PTPRD: variants seen among roughly 807,000 people sequenced by gnomAD.
PTPRD encodes the protein protein tyrosine phosphatase receptor type D.
Under a neutral mutation model 214.5 loss-of-function variants are expected in PTPRD, and 34 were observed. That is an observed-to-expected ratio of 0.16 (90% CI 0.12 to 0.21). The LOEUF (loss-of-function observed/expected upper bound fraction) is 0.21. Among genes scored for constraint, PTPRD ranks in the 10% least tolerant of loss-of-function variants. The pLI is 1.00. For missense variants in PTPRD, 2,545 were observed against 2,398.7 expected (o/e 1.06, Z -1.27); for synonymous variants, 1,128 against 845.7 (o/e 1.33, Z -5.79).
intron 4 of PTPRD, among the ~76,000 whole-genome samples, chr9:9,944,779 T>C (rs1396726393): frequency 6.6e-6 from 1 of 151,936 alleles, no homozygotes; most frequent in African/African-American, 2.4e-5. Context: ...ATAATCTAAA[T>C]TTGAGTAAGT....
chr9:9,508,595 C>A (rs1003213905), intron 8 of PTPRD, among the ~76,000 whole-genome samples: 2 of 151,428 alleles, frequency 1.3e-5, no homozygotes, highest in African/African-American at 4.8e-5. Context: ...CCTTGCTTTC[C>A]AACTAAAGCC....
At chr9:8,689,515 A>C (rs984540091) in intron 12 of PTPRD, among the ~76,000 whole-genome samples, 6 of 152,182 alleles carry the variant, frequency 3.9e-5, no homozygotes, top group Non-Finnish European at 2.9e-5. Flanking sequence ...GTGGCGGTAA[A>C]AGAAAATAAG....
intron 5 of PTPRD, among the ~76,000 whole-genome samples, chr9:9,845,057 GCAATA>G (rs2059188269): frequency 2.5e-5 from 1 of 40,482 alleles, no homozygotes; most frequent in Non-Finnish European, 5.5e-5. Context: ...TATATATAGA[GCAATA>G]TATATATATA....
intron 7 of PTPRD, among the ~76,000 whole-genome samples, chr9:9,616,644 C>T (rs1335287760): frequency 6.6e-6 from 1 of 152,022 alleles, no homozygotes; most frequent in Non-Finnish European, 1.5e-5. Flanking sequence ...GGGGCTAAAA[C>T]ACGGCTATAT....
intron 33 of PTPRD, among the ~76,000 whole-genome samples, chr9:8,451,222 C>T (rs1297364954): frequency 6.6e-6 from 1 of 152,158 alleles, no homozygotes; most frequent in African/African-American, 2.4e-5. Context: ...TAATGGAATA[C>T]ATTTTCATGG....
chr9:8,436,872 G>T (rs2095371291), intron 34 of PTPRD, among the ~76,000 whole-genome samples, 183 bp from the exon 35 acceptor site: 1 of 152,166 alleles, frequency 6.6e-6, no homozygotes, highest in East Asian at 1.9e-4. Context: ...CTGGGAAGAT[G>T]AATTTTGTAG....
At chr9:9,244,318 C>T (rs1200940398) in intron 9 of PTPRD, among the ~76,000 whole-genome samples, 5 of 151,938 alleles carry the variant, frequency 3.3e-5, no homozygotes, top group African/African-American at 7.3e-5. Context: ...AAAAAGAGCC[C>T]GCATTGCCAA....
At chr9:10,521,009 T>C (rs2052061377) in intron 2 of PTPRD, among the ~76,000 whole-genome samples, 1 of 151,828 alleles carries the variant, frequency 6.6e-6, no homozygotes, top group East Asian at 1.9e-4. Context: ...AAGGAGTAAA[T>C]TTTTACTTTC....
At chr9:8,688,522 A>G (rs13296640) in intron 12 of PTPRD, among the ~76,000 whole-genome samples, 2 of 150,950 alleles carry the variant, frequency 1.3e-5, no homozygotes, top group South Asian at 2.1e-4. Flanking sequence ...CCGAGATCGC[A>G]CCACTGCGCT....
At chr9:9,618,001 G>T (rs979551186) in intron 7 of PTPRD, among the ~76,000 whole-genome samples, 3 of 146,256 alleles carry the variant, frequency 2.1e-5, no homozygotes, top group Non-Finnish European at 4.5e-5. Context: ...GAACCCGGGA[G>T]GCGGAGCTTG....
chr9:9,649,893 A>T lies in PTPRD; in HGVS notation c.-286-75112T>A, dbSNP rs144304256. On this transcript the variant is annotated intron_variant, in intron 7 of 45. Coordinates refer to ENST00000381196, the MANE Select transcript of PTPRD (RefSeq NM_002839.4). ...TCCTCATTTCTCAGAAAGTGAAATA[A>T]ATATATTTGGAGCAATCAAGTTTTA... Among the ~76,000 whole-genome samples the T allele has an allele frequency of 6.4e-3, 979 of 152,252 alleles. 8 individuals are homozygous for T. Among genetic ancestry groups the T allele is most frequent in the African/African-American group, 0.023 (946 of 41,550 alleles).
At chr9:8,463,261 A>C (rs1278936687) in intron 32 of PTPRD, among the ~76,000 whole-genome samples, 1 of 150,122 alleles carries the variant, frequency 6.7e-6, no homozygotes, top group African/African-American at 2.5e-5. Flanking sequence ...AACGCATTAC[A>C]AGAAGATAAA....
chr9:9,257,688 G>A (rs2099978324), intron 9 of PTPRD, among the ~76,000 whole-genome samples: 1 of 151,918 alleles, frequency 6.6e-6, no homozygotes, highest in Non-Finnish European at 1.5e-5. Flanking sequence ...AGTCCCAGCT[G>A]TGGGAGGATT....
chr9:8,801,503 G>C (rs1005827307), intron 11 of PTPRD, among the ~76,000 whole-genome samples: 2 of 152,180 alleles, frequency 1.3e-5, no homozygotes, highest in Admixed American at 1.3e-4. Flanking sequence ...GACCACCTGA[G>C]GTTGGGAGTT....
At chr9:10,127,810 T>C (rs1314815567) in intron 3 of PTPRD, among the ~76,000 whole-genome samples, 1 of 152,128 alleles carries the variant, frequency 6.6e-6, no homozygotes, top group African/African-American at 2.4e-5. Context: ...CTTTCTAACA[T>C]ATTTCTCTAG....
chr9:9,576,193 G>C (rs2154306248), intron 7 of PTPRD, among the ~76,000 whole-genome samples: 1 of 152,250 alleles, frequency 6.6e-6, no homozygotes, highest in African/African-American at 2.4e-5. Flanking sequence ...GAAGAAAATA[G>C]TTTATATAAC....
At chr9:8,871,584 T>C (rs942848779) in intron 11 of PTPRD, among the ~76,000 whole-genome samples, 1 of 152,164 alleles carries the variant, frequency 6.6e-6, no homozygotes, top group African/African-American at 2.4e-5. Flanking sequence ...TGACTGACTT[T>C]TCATGACCTT....
intron 2 of PTPRD, among the ~76,000 whole-genome samples, chr9:10,437,544 G>C (rs567596478): frequency 3.5e-4 from 53 of 151,742 alleles, no homozygotes; most frequent in African/African-American, 8.0e-4. Flanking sequence ...AACGATGCTT[G>C]ATTACTCTTC....
At chr9:9,442,582 T>A (rs968874548) in intron 8 of PTPRD, among the ~76,000 whole-genome samples, 4 of 152,216 alleles carry the variant, frequency 2.6e-5, no homozygotes, top group African/African-American at 9.6e-5. Context: ...ACTGTCAAGT[T>A]CTCTGGGGTA....
Sources: allele counts gnomAD v4.1 joint callset (sites outside exome capture counted in the v4.1 genomes callset), GRCh38; gene constraint gnomAD v4.1.1; transcripts MANE v1.5; gene names NCBI Gene and HGNC (gene_info 2026-07-23, HGNC 2026-07-21).